Variants in UFD1 observed in about 807,000 individuals in gnomAD.
UFD1 encodes the protein ubiquitin recognition factor in ER-associated degradation protein 1.
A neutral mutation model predicts 45.9 loss-of-function variants in UFD1; 13 were observed. The ratio of observed to expected loss-of-function variants is 0.28; its 90% CI spans 0.18 to 0.45. The LOEUF (loss-of-function observed/expected upper bound fraction) is 0.45. UFD1 is among the 20% of genes least tolerant of loss of function. The probability of loss-of-function intolerance (pLI) is 1.00; values close to 1 mark genes in which losing one functional copy is unlikely to be tolerated. For synonymous variants in UFD1, 128 were observed against 139.2 expected (o/e 0.92, Z 0.56); for missense variants, 218 against 389.2 (o/e 0.56, Z 3.70).
At chr22:19,473,537 C>T (rs1163419372) in intron 3 of UFD1, among the ~76,000 whole-genome samples, 1 of 152,172 alleles carries the variant, frequency 6.6e-6, no homozygotes, top group Non-Finnish European at 1.5e-5. Context: ...GAAAGGAAGA[C>T]CTTTTTAGGG....
intron 11 of UFD1, chr22:19,451,142 A>C (rs867557583): frequency 1.0e-6 from 1 of 988,338 alleles, no homozygotes; most frequent in Admixed American, 6.0e-5. Context: ...AAAAAAAAAA[A>C]GTCTGTAAGT....
chr22:19,473,680 A>C (rs2089861725), intron 3 of UFD1, among the ~76,000 whole-genome samples: 1 of 152,174 alleles, frequency 6.6e-6, no homozygotes, highest in Non-Finnish European at 1.5e-5. Flanking sequence ...GGCTACCTCC[A>C]CCTTGTGGTT....
chr22:19,463,830 G>A (rs997246167), intron 6 of UFD1, among the ~76,000 whole-genome samples: 1 of 152,188 alleles, frequency 6.6e-6, no homozygotes, highest in Non-Finnish European at 1.5e-5. Context: ...AAAAGTGGAA[G>A]TTCAAACCTG....
At chr22:19,451,140 A>AG in intron 11 of UFD1, 6 of 990,016 alleles carry the variant, frequency 6.1e-6, no homozygotes, top group Middle Eastern at 5.2e-4. Flanking sequence ...AAAAAAAAAA[A>AG]AAGTCTGTAA....
chr22:19,468,862 T>C (rs1012630557), intron 4 of UFD1, among the ~76,000 whole-genome samples: 3 of 152,098 alleles, frequency 2.0e-5, no homozygotes, highest in African/African-American at 7.2e-5. Flanking sequence ...TTCAAGAATG[T>C]TTCATCGGGA....
intron 5 of UFD1, 55 bp downstream of exon 5, chr22:19,467,818 A>T: frequency 1.2e-6 from 2 of 1,604,052 alleles, no homozygotes; most frequent in Non-Finnish European, 1.7e-6. Context: ...ATGTTTAACA[A>T]CCGCCAGCAC....
Position 19,473,006 on chromosome 22 carries a change from GC to G in UFD1, c.170-1199del, listed in dbSNP as rs200516361. On this transcript the variant is annotated intron_variant, in intron 3 of 11. Coordinates refer to ENST00000263202, the MANE Select transcript of UFD1 (RefSeq NM_005659.7). Reference sequence around the variant, plus strand: ...AAAGCAAATCAAGTTAAAAGCTTGGGCAGGAAGCTACAGAGAACCTCTGAGA... The same window carrying G: ...AAAGCAAATCAAGTTAAAAGCTTGGGAGGAAGCTACAGAGAACCTCTGAGA... Among the ~76,000 whole-genome samples the G allele has an allele frequency of 8.4e-4, 128 of 152,306 alleles. 2 individuals are homozygous for G. The East Asian group carries it at 0.022, about 26-fold the overall frequency.
chr22:19,465,375 G>C, intron 5 of UFD1, 101 bp from the exon 6 acceptor site: 2 of 987,354 alleles, frequency 2.0e-6, no homozygotes, highest in Non-Finnish European at 3.2e-6. Context: ...ACTGTACCAT[G>C]ATGGTACTTG....
chr22:19,457,755 G>C (rs1161871891), intron 7 of UFD1, among the ~76,000 whole-genome samples: 2 of 152,058 alleles, frequency 1.3e-5, no homozygotes, highest in South Asian at 4.1e-4. Flanking sequence ...AGGTTGTAGT[G>C]AGCCAAGATC....
At chr22:19,451,045 G>A (rs1382048893) in intron 11 of UFD1, 10 of 1,077,100 alleles carry the variant, frequency 9.3e-6, no homozygotes, top group Non-Finnish European at 1.1e-5. Flanking sequence ...GATGGTTTGA[G>A]CCAGGGCCAT....
At chr22:19,469,977 C>T (rs1350619622) in intron 4 of UFD1, 2 of 518,320 alleles carry the variant, frequency 3.9e-6, no homozygotes, top group Non-Finnish European at 7.7e-6. Context: ...TCCCCAGCAT[C>T]ACCACCTCCT....
At chr22:19,469,630 A>G (rs768784538) in intron 4 of UFD1, among the ~76,000 whole-genome samples, 4 of 152,240 alleles carry the variant, frequency 2.6e-5, no homozygotes, top group Non-Finnish European at 4.4e-5. Flanking sequence ...GCCAGTACCT[A>G]TTCCAGGCTG....
At chr22:19,471,126 CT>C in intron 4 of UFD1, 1 of 463,250 alleles carries the variant, frequency 2.2e-6, no homozygotes, top group South Asian at 1.5e-5. Flanking sequence ...GGGGTACAGC[CT>C]TGAGGGCAGG....
intron 5 of UFD1, chr22:19,465,606 C>A: frequency 3.4e-6 from 1 of 295,486 alleles, no homozygotes; most frequent in Non-Finnish European, 6.5e-6. Flanking sequence ...GGTTTCTGGG[C>A]CAGGGGATCA....
chr22:19,450,968 T>G, intron 11 of UFD1: 1 of 1,212,388 alleles, frequency 8.2e-7, no homozygotes, highest in Non-Finnish European at 1.1e-6. Context: ...AGATCCCATC[T>G]CTACCAAAAA....
At chr22:19,467,767 G>A in intron 5 of UFD1, 106 bp downstream of exon 5, 2 of 1,509,658 alleles carry the variant, frequency 1.3e-6, no homozygotes, top group South Asian at 1.3e-5. Flanking sequence ...AATCACAAAT[G>A]TGTGATCCCC....
chr22:19,461,654 T>C (rs2089767533), intron 6 of UFD1, among the ~76,000 whole-genome samples: 1 of 152,182 alleles, frequency 6.6e-6, no homozygotes, highest in East Asian at 1.9e-4. Flanking sequence ...GAGAATGAGT[T>C]GGGGGATATG....
At chr22:19,461,068 T>G (rs2146294380) in intron 6 of UFD1, among the ~76,000 whole-genome samples, 1 of 152,330 alleles carries the variant, frequency 6.6e-6, no homozygotes, top group Admixed American at 6.5e-5. Context: ...TTCTACTTTC[T>G]GTCTCCCATG....
intron 6 of UFD1, among the ~76,000 whole-genome samples, chr22:19,462,230 A>G (rs2089772780): frequency 6.6e-6 from 1 of 151,884 alleles, no homozygotes; most frequent in South Asian, 2.1e-4. Context: ...AAACTCCTGG[A>G]CTTAAGTGAT....
Sources: allele counts gnomAD v4.1 joint callset (sites outside exome capture counted in the v4.1 genomes callset), GRCh38; gene constraint gnomAD v4.1.1; transcripts MANE v1.5; gene names NCBI Gene and HGNC (gene_info 2026-07-23, HGNC 2026-07-21).